DGKB: variants seen among roughly 807,000 people sequenced by gnomAD.
DGKB encodes diacylglycerol kinase beta.
A neutral mutation model predicts 114.3 loss-of-function variants in DGKB; 67 were observed. The ratio of observed to expected loss-of-function variants is 0.59; its 90% CI spans 0.48 to 0.72. DGKB has a LOEUF of 0.72. DGKB is among the 30% of genes least tolerant of loss of function. The pLI is 0.00. For missense variants in DGKB, 907 were observed against 975.2 expected (o/e 0.93, Z 0.93); for synonymous variants, 398 against 323.1 (o/e 1.23, Z -2.49).
At chr7:14,913,719 G>T (rs961201163) in intron 1 of DGKB, among the ~76,000 whole-genome samples, 1 of 151,944 alleles carries the variant, frequency 6.6e-6, no homozygotes, top group East Asian at 1.9e-4. Context: ...AGGATGACTT[G>T]CTAGATAAAA....
chr7:14,246,290 A>C (rs1420553803), intron 23 of DGKB, among the ~76,000 whole-genome samples: 1 of 152,204 alleles, frequency 6.6e-6, no homozygotes, highest in South Asian at 2.1e-4. Context: ...CTAATCTGTA[A>C]CAGGACTTTA....
intron 23 of DGKB, among the ~76,000 whole-genome samples, chr7:14,320,533 TATGCGGTAC>T (rs1807564673): frequency 6.6e-6 from 1 of 151,752 alleles, no homozygotes; most frequent in African/African-American, 2.4e-5. Flanking sequence ...ATGTACCGCA[TATGCGGTAC>T]ATATATGTAC....
chr7:14,581,703 A>G (rs1041676249), intron 18 of DGKB, among the ~76,000 whole-genome samples: 1 of 152,154 alleles, frequency 6.6e-6, no homozygotes, highest in Non-Finnish European at 1.5e-5. Context: ...ATCAGTGTAC[A>G]TATGTGTGTA....
intron 20 of DGKB, among the ~76,000 whole-genome samples, chr7:14,554,019 A>C (rs1178601584): frequency 2.0e-5 from 3 of 151,584 alleles, no homozygotes; most frequent in Non-Finnish European, 2.9e-5. Context: ...ACTACAGGCA[A>C]CCGTCACCAC....
intron 25 of DGKB, among the ~76,000 whole-genome samples, chr7:14,172,959 GA>G (rs1209134612): frequency 3.3e-5 from 5 of 152,214 alleles, no homozygotes; most frequent in Non-Finnish European, 5.9e-5. Context: ...GAAGAAGAAA[GA>G]ATAAAATAGA....
chr7:14,817,132 G>C (rs1844267125), intron 2 of DGKB, among the ~76,000 whole-genome samples: 1 of 152,078 alleles, frequency 6.6e-6, no homozygotes, highest in South Asian at 2.1e-4. Context: ...AGGTTATTTT[G>C]ATTAGAAGAT....
chr7:14,851,265 G>T (rs1458143943), intron 1 of DGKB, among the ~76,000 whole-genome samples: 1 of 152,114 alleles, frequency 6.6e-6, no homozygotes, highest in African/African-American at 2.4e-5. Context: ...GAAATCTTTG[G>T]TGATGCAAAA....
At position 14,219,866 on chromosome 7, in the gene DGKB, T is replaced by C. The variant is rs916715128; in HGVS notation, c.2123-41715A>G. On this transcript the variant is annotated intron_variant, in intron 23 of 25. Coordinates refer to ENST00000402815, the MANE Select transcript of DGKB (RefSeq NM_001350709.2). ...ATTGCTGAATCAAGTTTATGAAGAT[T>C]TACCCTTGTTTTCGTCTAAAAGTTT... Among the ~76,000 whole-genome samples the C allele has an allele frequency of 4.6e-5, 7 of 151,876 alleles. No individual in the cohort carries two copies. In the East Asian group the frequency reaches 1.4e-3, roughly 29 times the overall value.
chr7:14,588,226 C>CA (rs1334586578), intron 17 of DGKB, among the ~76,000 whole-genome samples: 3 of 151,668 alleles, frequency 2.0e-5, no homozygotes, highest in Non-Finnish European at 4.4e-5. Flanking sequence ...TGTTGGTTTG[C>CA]AAAAAAATTT....
At position 14,283,188 on chromosome 7, in the gene DGKB, C is replaced by G. The variant is rs576711254; in HGVS notation, c.2122+55327G>C. 2.1e-3 allele frequency among the ~76,000 whole-genome samples: 325 copies of G among 151,786 alleles called. 3 individuals are homozygous for G. Among genetic ancestry groups the G allele is most frequent in the African/African-American group, 7.6e-3 (314 of 41,456 alleles). On this transcript the variant is annotated intron_variant, in intron 23 of 25. Transcript: ENST00000402815. ...AGTCTCAGCATACAAAATCAATGTG[C>G]AAAAATCACAAGCATTCCTATACAC...
At chr7:14,536,601 G>A (rs1159841460) in intron 20 of DGKB, among the ~76,000 whole-genome samples, 2 of 152,246 alleles carry the variant, frequency 1.3e-5, no homozygotes, top group East Asian at 3.9e-4. Context: ...AAAAGCATTT[G>A]ATAAAATTCA....
At chr7:14,560,917 T>C (rs545205717) in intron 20 of DGKB, among the ~76,000 whole-genome samples, 3 of 152,292 alleles carry the variant, frequency 2.0e-5, no homozygotes, top group Non-Finnish European at 2.9e-5. Flanking sequence ...CTCGTTGTGC[T>C]TTTGATGTGA....
intron 20 of DGKB, 62 bp downstream of exon 20, chr7:14,574,150 A>T: frequency 7.6e-7 from 1 of 1,319,878 alleles, no homozygotes. Flanking sequence ...CATAGTTTAA[A>T]AGTTTTCTCA....
At chr7:14,416,284 T>A (rs1563137830) in intron 21 of DGKB, among the ~76,000 whole-genome samples, 1 of 152,146 alleles carries the variant, frequency 6.6e-6, no homozygotes, top group Non-Finnish European at 1.5e-5. Context: ...ATTTCTATGT[T>A]TTTTTCAGTT....
intron 23 of DGKB, among the ~76,000 whole-genome samples, chr7:14,304,087 A>ACTCTCTCTCTCT (rs71846844): frequency 2.7e-5 from 3 of 110,072 alleles, no homozygotes; most frequent in African/African-American, 1.1e-4. Flanking sequence ...ACACACACAC[A>ACTCTCTCTCTCT]CTCTCTCTCT....
intron 21 of DGKB, among the ~76,000 whole-genome samples, chr7:14,394,927 G>C (rs926114039): frequency 6.6e-6 from 1 of 152,074 alleles, no homozygotes; most frequent in East Asian, 1.9e-4. Flanking sequence ...GTTTTGCTCA[G>C]TAGGGTCAAC....
At chr7:14,313,843 A>C (rs1370650849) in intron 23 of DGKB, among the ~76,000 whole-genome samples, 3 of 152,322 alleles carry the variant, frequency 2.0e-5, no homozygotes, top group East Asian at 3.9e-4. Context: ...ACAGACAAAC[A>C]AAAAGACAGC....
intron 2 of DGKB, among the ~76,000 whole-genome samples, chr7:14,820,276 C>T (rs1255495893): frequency 5.3e-5 from 8 of 152,104 alleles, no homozygotes; most frequent in Admixed American, 4.6e-4. Flanking sequence ...GAAAATACTA[C>T]TCCTTTATTA....
chr7:14,181,114 G>A (rs921249426), intron 23 of DGKB, among the ~76,000 whole-genome samples: 1 of 152,124 alleles, frequency 6.6e-6, no homozygotes, highest in Admixed American at 6.6e-5. Flanking sequence ...AAATTTCAGT[G>A]CCCATCAATT....
Sources: allele counts gnomAD v4.1 joint callset (sites outside exome capture counted in the v4.1 genomes callset), GRCh38; gene constraint gnomAD v4.1.1; transcripts MANE v1.5; gene names NCBI Gene and HGNC (gene_info 2026-07-23, HGNC 2026-07-21).